ZNF469: variants seen among roughly 807,000 people sequenced by gnomAD.
ZNF469 encodes zinc finger protein 469.
In ZNF469, 1 loss-of-function variant was observed where a neutral mutation model predicts 1.0. That is an observed-to-expected ratio of 1.00 (90% CI 0.35 to 4.73). The LOEUF (loss-of-function observed/expected upper bound fraction) is 4.73, where lower values mean the gene tolerates loss of function less well. Ranked by LOEUF, ZNF469 falls within the 30% of genes most tolerant of loss-of-function variation. ZNF469 has a pLI of 0.16. For synonymous variants in ZNF469, 2,703 were observed against 2,363.4 expected (o/e 1.14, Z -4.17); for missense variants, 6,100 against 5,356.3 (o/e 1.14, Z -4.33).
At chr16:88,273,919 C>G in the ZNF469 span, among the ~76,000 whole-genome samples, 1 of 152,040 alleles carries the variant, frequency 6.6e-6, no homozygotes, top group African/African-American at 2.4e-5. Context: ...ATTCTCCTGC[C>G]TCAGCCTCCC....
At chr16:88,207,786 C>T in the ZNF469 span, among the ~76,000 whole-genome samples, 3 of 146,842 alleles carry the variant, frequency 2.0e-5, 1 homozygote, top group East Asian at 6.1e-4. Context: ...CTGAAATCTC[C>T]CTCTGGCCCT....
intron 1 of ZNF469, among the ~76,000 whole-genome samples, chr16:88,408,251 C>T (rs1391629932): frequency 2.0e-5 from 3 of 152,248 alleles, no homozygotes; most frequent in African/African-American, 4.8e-5. Flanking sequence ...CTCCCAGGTT[C>T]GAGCAATTCT....
the ZNF469 span, among the ~76,000 whole-genome samples, chr16:88,271,604 G>T: frequency 4.1e-4 from 58 of 139,870 alleles, no homozygotes; most frequent in African/African-American, 1.4e-3. Context: ...GGCCCCAACA[G>T]CAGGAATCCC....
chr16:88,253,060 G>C, the ZNF469 span, among the ~76,000 whole-genome samples: 1 of 152,210 alleles, frequency 6.6e-6, no homozygotes, highest in Non-Finnish European at 1.5e-5. Flanking sequence ...CACTGAGCAA[G>C]AGTCCATGGG....
chr16:88,356,963 C>T, the ZNF469 span, among the ~76,000 whole-genome samples: 65 of 152,358 alleles, frequency 4.3e-4, no homozygotes, highest in Non-Finnish European at 7.2e-4. Context: ...TGCTGTGACA[C>T]GGAGGTGCAG....
chr16:88,122,083 G>A, the ZNF469 span, among the ~76,000 whole-genome samples: 5 of 148,900 alleles, frequency 3.4e-5, no homozygotes, highest in African/African-American at 1.2e-4. Context: ...ACTTGCTGCG[G>A]CCTCGGCAGC....
chr16:88,135,846 C>T, the ZNF469 span, among the ~76,000 whole-genome samples: 5 of 148,280 alleles, frequency 3.4e-5, no homozygotes, highest in African/African-American at 4.9e-5. Flanking sequence ...CTGCAACCTC[C>T]GTCTCCCGGG....
At chr16:88,143,324 G>A in the ZNF469 span, among the ~76,000 whole-genome samples, 5 of 152,216 alleles carry the variant, frequency 3.3e-5, no homozygotes, top group Admixed American at 6.5e-5. Context: ...ACTCAGGGCC[G>A]TCTCCAGCCT....
chr16:88,122,027 C>G, the ZNF469 span, among the ~76,000 whole-genome samples: 1 of 146,702 alleles, frequency 6.8e-6, no homozygotes, highest in Admixed American at 6.7e-5. Context: ...GGATCACACT[C>G]TGTCACTCAC....
chr16:88,343,036 T>C, the ZNF469 span, among the ~76,000 whole-genome samples: 7 of 152,088 alleles, frequency 4.6e-5, no homozygotes, highest in Non-Finnish European at 7.4e-5. Context: ...AGCGGGCAGA[T>C]AGCACACGGG....
At chr16:88,298,661 G>T in the ZNF469 span, among the ~76,000 whole-genome samples, 1 of 152,048 alleles carries the variant, frequency 6.6e-6, no homozygotes. Flanking sequence ...TTTGGCCCTG[G>T]GACACGGAGG....
rs556316560 is a variant in ZNF469 at position 88,438,909 on chromosome 16, C to G, written c.11439C>G (p.Ser3813Arg). The change falls in exon 3 of 3, where the codon AGC becomes AGG. Residue 3813 changes from serine (S) to arginine (R), a missense_variant. Transcript: ENST00000565624. ...GSLGPKEKGE[S>R]STKRKKGQVP... ...TAGGTCCCAAGGAGAAGGGAGAGAGCAGTACGAAGAGGAAAAAGGGCCAGG... is the reference window on the plus strand; with the variant it reads ...TAGGTCCCAAGGAGAAGGGAGAGAGGAGTACGAAGAGGAAAAAGGGCCAGG... The G allele has an allele frequency of 1.1e-5, 17 of 1,550,526 alleles. No homozygotes were observed. The African/African-American group carries it at 2.1e-4, about 19-fold the overall frequency.
chr16:88,112,830 T>G, the ZNF469 span, among the ~76,000 whole-genome samples: 1 of 122,908 alleles, frequency 8.1e-6, no homozygotes, highest in African/African-American at 3.1e-5. Context: ...CAGGCTGGAG[T>G]GCAGTGGCAC....
the ZNF469 span, among the ~76,000 whole-genome samples, chr16:88,300,813 C>G: frequency 6.6e-6 from 1 of 152,106 alleles, no homozygotes; most frequent in Non-Finnish European, 1.5e-5. Flanking sequence ...GCATGTGATC[C>G]CAGAACTTTG....
chr16:88,291,766 C>A, the ZNF469 span, among the ~76,000 whole-genome samples: 1 of 152,168 alleles, frequency 6.6e-6, no homozygotes, highest in Non-Finnish European at 1.5e-5. Context: ...CATATTGGAT[C>A]CTCCCTGCGT....
chr16:88,390,028 C>A (rs1422742862), intron 1 of ZNF469, among the ~76,000 whole-genome samples: 1 of 152,202 alleles, frequency 6.6e-6, no homozygotes, highest in Non-Finnish European at 1.5e-5. Context: ...CTTGCACAGC[C>A]TCCTCCCAAG....
the ZNF469 span, among the ~76,000 whole-genome samples, chr16:88,319,715 C>G: frequency 5.3e-5 from 8 of 152,306 alleles, no homozygotes; most frequent in African/African-American, 1.9e-4. Context: ...TTTGTGGATG[C>G]TGCAGGGAGA....
the ZNF469 span, among the ~76,000 whole-genome samples, chr16:88,165,772 G>A: frequency 1.3e-4 from 20 of 151,756 alleles, no homozygotes; most frequent in African/African-American, 3.9e-4. Flanking sequence ...ACTACACCCC[G>A]ACTCCCCGCT....
At chr16:88,133,252 TA>T in the ZNF469 span, among the ~76,000 whole-genome samples, 1 of 152,248 alleles carries the variant, frequency 6.6e-6, no homozygotes, top group Non-Finnish European at 1.5e-5. Flanking sequence ...GGCCTAAGAA[TA>T]AAGGGTTACT....
Sources: allele counts gnomAD v4.1 joint callset (sites outside exome capture counted in the v4.1 genomes callset), GRCh38; gene constraint gnomAD v4.1.1; transcripts MANE v1.5; gene names NCBI Gene and HGNC (gene_info 2026-07-23, HGNC 2026-07-21).